WDR20: variants seen among roughly 807,000 people sequenced by gnomAD.
WDR20 encodes WD repeat domain 20.
A neutral mutation model predicts 38.7 loss-of-function variants in WDR20; 3 were observed. That is an observed-to-expected ratio of 0.08 (90% confidence interval 0.04 to 0.20). The LOEUF (loss-of-function observed/expected upper bound fraction) is 0.20. Ranked by LOEUF, WDR20 falls within the 10% of genes least tolerant of loss-of-function variation. WDR20 has a pLI of 1.00. For missense variants in WDR20, 559 were observed against 727.7 expected, an observed-to-expected ratio of 0.77 and a Z score of 2.67; for synonymous variants, 298 against 285.6, an observed-to-expected ratio of 1.04 and a Z score of -0.44.
rs76466774 is a variant in WDR20, at chr14:102,163,717, T to C, written c.249+23545T>C. On this transcript the variant is annotated intron_variant, in intron 1 of 2. Transcript: ENST00000342702. The stretch of plus-strand genomic sequence containing the variant: ...AAGACAGTCACAACCTCCAATCTTA[T>C]GTTGTTAGAATTCTTTTGGGATAAC... 3.9e-3 allele frequency among the ~76,000 whole-genome samples: 592 copies of C among 151,340 alleles called. 9 individuals carry two copies. The East Asian group carries it at 0.049, about 12-fold the overall frequency.
chr14:102,199,017 C>A (rs2059869993), intron 2 of WDR20, among the ~76,000 whole-genome samples: 1 of 152,140 alleles, frequency 6.6e-6, no homozygotes, highest in Non-Finnish European at 1.5e-5. Context: ...ATGAAAGGTT[C>A]TTTGGAGAGA....
chr14:102,205,011 C>G (rs1162806195), intron 2 of WDR20, among the ~76,000 whole-genome samples: 1 of 152,198 alleles, frequency 6.6e-6, no homozygotes, highest in African/African-American at 2.4e-5. Flanking sequence ...CTTCGAGAGG[C>G]CAAGGCAGGA....
At chr14:102,218,777 C>T (rs142497265), downstream of WDR20, among the ~76,000 whole-genome samples, 15 of 152,256 alleles carry the variant, frequency 9.9e-5, no homozygotes, top group Admixed American at 3.9e-4. Flanking sequence ...GCTGATGGGA[C>T]GCCGTGCAGA....
chr14:102,199,555 A>C (rs1249963729), intron 2 of WDR20, among the ~76,000 whole-genome samples: 1 of 152,156 alleles, frequency 6.6e-6, no homozygotes, highest in Non-Finnish European at 1.5e-5. Flanking sequence ...AATTACAGCA[A>C]TGTGGCCTTT....
chr14:102,195,403 C>T (rs946860661), intron 2 of WDR20, among the ~76,000 whole-genome samples: 4 of 152,062 alleles, frequency 2.6e-5, no homozygotes, highest in African/African-American at 9.7e-5. Context: ...TACTGTAACT[C>T]GGTATTTATA....
Position 102,220,805 on chromosome 14 carries a change from C to T in WDR20, c.1693-2025C>T, listed in dbSNP as rs117925320. 0.055 allele frequency among the ~76,000 whole-genome samples: 8,370 copies of T among 152,088 alleles called. 241 individuals are homozygous for T. The highest frequency in any genetic ancestry group is 0.065 in the Middle Eastern group (19 of 294). ...TTTCATTTTTTGAGACAGGGTCTTGCTCTATCCCCCAGGCTGGAGTGCAGT... is the reference window on the plus strand; with the variant it reads ...TTTCATTTTTTGAGACAGGGTCTTGTTCTATCCCCCAGGCTGGAGTGCAGT... On this transcript the variant is annotated intron_variant, in intron 3 of 3. Transcript: ENST00000335263. This position sits in a 1 kb window ranked among gnomAD's most constrained non-coding sequence, Gnocchi z 4.2.
At chr14:102,224,080 T>C (rs201302994), downstream of WDR20, among the ~76,000 whole-genome samples, 1,522 of 150,050 alleles carry the variant, frequency 0.01, 31 homozygotes, top group African/African-American at 0.036. Context: ...CTCCCTCTGT[T>C]GTCCAGGCTG....
At position 102,185,173 on chromosome 14, in the gene WDR20, A is replaced by T. The variant is rs538602021; in HGVS notation, c.250-9765A>T. Among the ~76,000 whole-genome samples the T allele has an allele frequency of 2.0e-5, 3 of 152,300 alleles. No homozygotes were observed. The East Asian group carries it at 5.8e-4, about 29-fold the overall frequency. ...GTCTGTTTCTTTGAAGGTATTAATG[A>T]ATGATGAGAATTTTCAAAGCCCATA... On this transcript the variant is annotated intron_variant, in intron 1 of 2. Transcript: ENST00000342702.
chr14:102,213,989 G>A, downstream of WDR20: 1 of 985,550 alleles, frequency 1.0e-6, no homozygotes, highest in Non-Finnish European at 1.2e-6. Flanking sequence ...CAGCTTTGTG[G>A]GTGAGGGCAT....
At chr14:102,181,071 C>G (rs2063269954) in intron 1 of WDR20, among the ~76,000 whole-genome samples, 1 of 152,064 alleles carries the variant, frequency 6.6e-6, no homozygotes, top group Non-Finnish European at 1.5e-5. Context: ...GCAAGCAACT[C>G]ATGTCTTCCA....
chr14:102,193,616 A>C, intron 1 of WDR20: 1 of 1,154,520 alleles, frequency 8.7e-7, no homozygotes, highest in Non-Finnish European at 1.2e-6. Context: ...CTACATGTGC[A>C]AGGTTTTGAG....
chr14:102,153,370 G>A (rs954676512), intron 1 of WDR20, among the ~76,000 whole-genome samples: 2 of 139,730 alleles, frequency 1.4e-5, no homozygotes, highest in African/African-American at 5.3e-5. Flanking sequence ...GCAGCAGTGT[G>A]ATCTCGGCTC....
chr14:102,215,414 A>C (rs555599448), downstream of WDR20, among the ~76,000 whole-genome samples: 8 of 152,284 alleles, frequency 5.3e-5, no homozygotes, highest in South Asian at 8.3e-4. Context: ...CCACCCAGCC[A>C]GCAGCTGGGA....
chr14:102,196,280 G>C (rs2059392471), intron 2 of WDR20, among the ~76,000 whole-genome samples: 1 of 151,918 alleles, frequency 6.6e-6, no homozygotes, highest in South Asian at 2.1e-4. Flanking sequence ...TTGCCATCTG[G>C]ACTGACAGAT....
intron 1 of WDR20, among the ~76,000 whole-genome samples, chr14:102,158,105 C>T (rs909411777): frequency 6.6e-6 from 1 of 152,022 alleles, no homozygotes; most frequent in East Asian, 1.9e-4. Context: ...TAACGCCCCT[C>T]GTATACACAC....
Position 102,192,298 on chromosome 14 carries a change from G to T in WDR20, c.250-2640G>T, listed in dbSNP as rs200333789. ...AGGTTCAAGCGATTCTCCTGTCTCA[G>T]CCTCCCGAGTAGCTGGGACTACAGG... On this transcript the variant is annotated intron_variant, in intron 1 of 2. Transcript: ENST00000342702. Among the ~76,000 whole-genome samples the T allele has an allele frequency of 2.6e-5, 4 of 151,774 alleles. No homozygotes were observed. The East Asian group carries it at 7.8e-4, about 29-fold the overall frequency.
intron 1 of WDR20, among the ~76,000 whole-genome samples, chr14:102,142,177 C>T (rs2051475938): frequency 6.6e-6 from 1 of 152,030 alleles, no homozygotes; most frequent in Non-Finnish European, 1.5e-5. Flanking sequence ...TGTTTTAACG[C>T]TTTTTGGGTA....
chr14:102,176,777 A>G (rs1259442955), intron 1 of WDR20, among the ~76,000 whole-genome samples: 1 of 151,574 alleles, frequency 6.6e-6, no homozygotes, highest in African/African-American at 2.4e-5. Flanking sequence ...TCTGTCTCCC[A>G]GGCTGGAGTG....
chr14:102,210,050 A>G lies in WDR20; in HGVS notation c.*170A>G. The stretch of plus-strand genomic sequence containing the variant: ...CCATGTAATTCTGAATCATTTGATA[A>G]TTTACCTTAGAGCATTTAAAAAAAT... On this transcript the variant is annotated 3_prime_UTR_variant, in exon 3 of 3. Transcript: ENST00000342702. The G allele has an allele frequency of 7.1e-7, 1 of 1,402,774 alleles. No homozygotes were observed. Among genetic ancestry groups the G allele is most frequent in the Non-Finnish European group, 9.2e-7 (1 of 1,085,172 alleles). 86.9% of individuals were successfully genotyped at this position (1,402,774 alleles called of 1,614,324 possible).
Sources: allele counts gnomAD v4.1 joint callset (sites outside exome capture counted in the v4.1 genomes callset), GRCh38; gene constraint gnomAD v4.1.1; non-coding constraint Gnocchi (gnomAD v3.1); transcripts MANE v1.5; gene names NCBI Gene and HGNC (gene_info 2026-07-23, HGNC 2026-07-21).